MRPS31: variants seen among roughly 807,000 people sequenced by gnomAD.
The protein encoded by MRPS31 is mitochondrial ribosomal protein S31.
In MRPS31, 32 loss-of-function variants were observed where a neutral mutation model predicts 43.1. The ratio of observed to expected loss-of-function variants is 0.74; its 90% CI spans 0.56 to 1.00. MRPS31 has a LOEUF of 1.00. MRPS31 is among the 50% of genes least tolerant of loss of function. The pLI is 0.00. For synonymous variants in MRPS31, 165 were observed against 161.6 expected, an observed-to-expected ratio of 1.02 and a Z score of -0.16; for missense variants, 437 against 466.7, an observed-to-expected ratio of 0.94 and a Z score of 0.59.
chr13:40,739,533 A>T, intron 6 of MRPS31, among the ~76,000 whole-genome samples: 1 of 152,212 alleles, frequency 6.6e-6, no homozygotes, highest in African/African-American at 2.4e-5. Flanking sequence ...ACCTGACTTC[A>T]AACTATACTA....
intron 5 of MRPS31, among the ~76,000 whole-genome samples, chr13:40,752,741 T>G (rs1198716438): frequency 2.2e-5 from 3 of 136,264 alleles, no homozygotes; most frequent in Non-Finnish European, 4.5e-5. Context: ...ACAACATTCT[T>G]TTTTTTTTTC....
At position 40,730,770 on chromosome 13, in the gene MRPS31, A is replaced by G. The variant is rs550295717; in HGVS notation, c.959-1169T>C. 3.2e-4 allele frequency among the ~76,000 whole-genome samples: 49 copies of G among 151,806 alleles called. No homozygotes were observed. The South Asian group carries it at 0.01, about 31-fold the overall frequency. On this transcript the variant is annotated intron_variant, in intron 6 of 6. Transcript: ENST00000323563. ...GAGATGGGGTTTCACCATGTTGGTC[A>G]GGCTGGCTTGAACTCCTGACCTCAG...
chr13:40,762,094 A>C (rs1880713668), intron 2 of MRPS31, among the ~76,000 whole-genome samples: 2 of 151,974 alleles, frequency 1.3e-5, no homozygotes, highest in African/African-American at 4.8e-5. Context: ...GAAAAAAAAA[A>C]AACTAGCCAG....
chr13:40,730,718 G>A (rs1454983289), intron 6 of MRPS31, among the ~76,000 whole-genome samples: 1 of 151,590 alleles, frequency 6.6e-6, no homozygotes, highest in Non-Finnish European at 1.5e-5. Flanking sequence ...CTGCCACCAC[G>A]CCCAGCTGAT....
chr13:40,730,141 A>AAATG (rs1163277934), intron 6 of MRPS31, among the ~76,000 whole-genome samples: 1 of 152,302 alleles, frequency 6.6e-6, no homozygotes, highest in African/African-American at 2.4e-5. Context: ...CTAAAATAGC[A>AAATG]CCTTGCTGGC....
intron 6 of MRPS31, among the ~76,000 whole-genome samples, chr13:40,746,369 TA>T (rs1234758825): frequency 1.3e-5 from 2 of 152,286 alleles, no homozygotes; most frequent in East Asian, 3.9e-4. Flanking sequence ...GCGATCAAAG[TA>T]AGAGTTTCCA....
At chr13:40,730,939 G>A (rs909498222) in intron 6 of MRPS31, 1 of 151,960 alleles carries the variant, frequency 6.6e-6, no homozygotes, top group Non-Finnish European at 1.5e-5. Flanking sequence ...AAATAAGATG[G>A]AATTGTGAAA....
At chr13:40,768,045 A>G (rs1880900226) in intron 1 of MRPS31, among the ~76,000 whole-genome samples, 1 of 152,226 alleles carries the variant, frequency 6.6e-6, no homozygotes, top group Non-Finnish European at 1.5e-5. Flanking sequence ...AGAACAACAC[A>G]AATGATTACA....
intron 1 of MRPS31, among the ~76,000 whole-genome samples, chr13:40,767,690 C>T (rs1411687025): frequency 6.6e-6 from 1 of 152,194 alleles, no homozygotes; most frequent in Non-Finnish European, 1.5e-5. Context: ...TGTTCCCTCC[C>T]TCCATTTACC....
At chr13:40,767,992 G>C (rs1028091076) in intron 1 of MRPS31, among the ~76,000 whole-genome samples, 1 of 152,154 alleles carries the variant, frequency 6.6e-6, no homozygotes, top group Non-Finnish European at 1.5e-5. Flanking sequence ...TCAATGGCTA[G>C]AAATGTCATT....
intron 6 of MRPS31, among the ~76,000 whole-genome samples, chr13:40,744,865 C>T (rs144610220): frequency 1.0e-3 from 156 of 152,236 alleles, no homozygotes; most frequent in African/African-American, 3.5e-3. Flanking sequence ...CCGCCCACCT[C>T]GGCCTCCCAA....
intron 2 of MRPS31, among the ~76,000 whole-genome samples, chr13:40,762,960 G>T (rs78696328): frequency 0.03 from 4,589 of 152,180 alleles, 174 homozygotes; most frequent in East Asian, 0.14. Flanking sequence ...ATAATGGCAA[G>T]GGAAAGTTGC....
In MRPS31 at chr13:40,766,822, T is replaced by C. The variant is rs1566112637; in HGVS notation, c.364A>G (p.Lys122Glu). The change falls in exon 2 of 7, where the codon AAA becomes GAA. Residue 122 changes from lysine (K) to glutamate (E), a missense_variant. Lys to Glu is a moderately conservative substitution (Grantham distance 56). Coordinates refer to ENST00000323563, the MANE Select transcript of MRPS31 (RefSeq NM_005830.4). ...TVNVRTTKPP[K>E]RRPLKSLEAT... ...TCCAAACTTTTAAGTGGTCTTCTTT[T>C]GGGGGGCTTTGTTGTTCGTACATTT... 2 of 1,614,166 alleles carry C rather than the reference T, an allele frequency of 1.2e-6. No homozygotes were observed. The highest frequency in any genetic ancestry group is 2.2e-5 in the East Asian group (1 of 44,878).
intron 6 of MRPS31, among the ~76,000 whole-genome samples, chr13:40,741,508 C>G (rs1880090036): frequency 6.6e-6 from 1 of 152,082 alleles, no homozygotes; most frequent in South Asian, 2.1e-4. Flanking sequence ...ATCTGGTTAT[C>G]AATCAGGGAA....
At chr13:40,738,516 G>A (rs1045423541) in intron 6 of MRPS31, among the ~76,000 whole-genome samples, 6 of 151,684 alleles carry the variant, frequency 4.0e-5, no homozygotes, top group Admixed American at 1.3e-4. Context: ...TATCCTTGAT[G>A]AACATTGATG....
rs1879616699 is a variant in MRPS31, at chr13:40,729,725, G to A, written c.959-124C>T. On this transcript the variant is annotated intron_variant, in intron 6 of 6. Transcript: ENST00000323563. Reference sequence around the variant, plus strand: ...GCATGAACTTTGGAGTTAGACCTAGGTTGCATTTTTTTTTTTTTTTTGAGA... The same window carrying A: ...GCATGAACTTTGGAGTTAGACCTAGATTGCATTTTTTTTTTTTTTTTGAGA... 2.0e-5 allele frequency: 13 copies of A among 665,942 alleles called. No homozygotes were observed. In the South Asian group the frequency reaches 2.8e-4, roughly 14 times the overall value. The allele number at this position is 665,942 out of a possible 1,614,324, so 41.3% of individuals were successfully genotyped here. A position where few individuals can be genotyped will look rare whatever the true frequency, so the allele number is the denominator to read the frequency against.
intron 4 of MRPS31, 146 bp downstream of exon 4, chr13:40,756,727 C>G (rs1372962872): frequency 4.3e-6 from 4 of 929,040 alleles, no homozygotes; most frequent in Non-Finnish European, 6.4e-6. Context: ...AAGTGGTATA[C>G]AGAGAGTAAG....
intron 6 of MRPS31, among the ~76,000 whole-genome samples, chr13:40,744,328 C>T (rs1880181156): frequency 1.3e-5 from 2 of 152,062 alleles, no homozygotes; most frequent in African/African-American, 4.8e-5. Context: ...AACAAACTTG[C>T]ACATGTACCC....
intron 3 of MRPS31, among the ~76,000 whole-genome samples, chr13:40,757,816 C>G (rs1880576072): frequency 6.7e-6 from 1 of 148,660 alleles, no homozygotes; most frequent in Non-Finnish European, 1.5e-5. Flanking sequence ...TGTGAGATCA[C>G]AGCTCAATGC....
Sources: gnomAD v4.1 joint callset for allele counts (sites outside exome capture counted in the v4.1 genomes callset) on GRCh38, gnomAD v4.1.1 for gene constraint, MANE v1.5 for transcripts, NCBI Gene and HGNC (gene_info 2026-07-23, HGNC 2026-07-21) for gene names.